Variants in USP48 observed in about 807,000 individuals in gnomAD.
USP48 encodes ubiquitin carboxyl-terminal hydrolase 48.
Under a neutral mutation model 150.7 loss-of-function variants are expected in USP48, and 43 were observed. The observed-to-expected ratio is 0.29, with a 90% CI of 0.22 to 0.37. USP48 has a LOEUF of 0.37. USP48 is among the 10% of genes least tolerant of loss of function. The pLI, the probability that USP48 is intolerant of heterozygous loss-of-function variation, is 1.00. For missense variants in USP48, 813 were observed against 1,249.6 expected, an observed-to-expected ratio of 0.65 and a Z score of 5.27; for synonymous variants, 396 against 425.9, an observed-to-expected ratio of 0.93 and a Z score of 0.86.
intron 11 of USP48, chr1:21,728,256 A>G (rs2097745213): frequency 9.4e-7 from 1 of 1,063,234 alleles, no homozygotes; most frequent in Non-Finnish European, 1.1e-6. Context: ...ATAGTAATCC[A>G]ATCGGATTTT....
intron 23 of USP48, among the ~76,000 whole-genome samples, chr1:21,692,294 T>A (rs1389002941): frequency 2.0e-5 from 3 of 152,134 alleles, no homozygotes; most frequent in African/African-American, 7.2e-5. Flanking sequence ...AGGACAGTTC[T>A]ATCCAAGCCA....
chr1:21,719,939 T>C (rs2097715528), intron 14 of USP48, among the ~76,000 whole-genome samples: 1 of 152,012 alleles, frequency 6.6e-6, no homozygotes, highest in Non-Finnish European at 1.5e-5. Context: ...ATGATACAAA[T>C]GATATGAAAT....
intron 20 of USP48, 101 bp downstream of exon 20, chr1:21,704,161 G>A (rs770632818): frequency 1.0e-5 from 14 of 1,381,924 alleles, no homozygotes; most frequent in South Asian, 2.9e-5. Context: ...AGTTGGGACC[G>A]CCGCATGATC....
intron 11 of USP48, chr1:21,728,001 C>T: frequency 1.0e-6 from 1 of 985,392 alleles, no homozygotes; most frequent in Non-Finnish European, 1.2e-6. Flanking sequence ...AATTTGGTTT[C>T]ATTTTGAGAC....
At chr1:21,704,146 T>C (rs746651431) in intron 20 of USP48, 116 bp downstream of exon 20, 20 of 1,177,876 alleles carry the variant, frequency 1.7e-5, no homozygotes, top group Non-Finnish European at 2.1e-5. Context: ...AGTTTCCACC[T>C]AGGGAGTTGG....
intron 1 of USP48, among the ~76,000 whole-genome samples, chr1:21,772,083 C>A (rs2097882447): frequency 6.6e-6 from 1 of 152,018 alleles, no homozygotes; most frequent in South Asian, 2.1e-4. Flanking sequence ...ATTGATGGAT[C>A]CCTACCTCAA....
At chr1:21,732,481 A>G (rs1276952537) in intron 9 of USP48, among the ~76,000 whole-genome samples, 7 of 152,224 alleles carry the variant, frequency 4.6e-5, no homozygotes. Context: ...GGTCTCATCT[A>G]TCACATTGAG....
rs145700372 is a variant in USP48, at chr1:21,685,034, C to A, written c.3058+2157G>T. On this transcript the variant is annotated intron_variant, in intron 25 of 26. Coordinates refer to ENST00000308271, the MANE Select transcript of USP48 (RefSeq NM_032236.8). ...TGGCTATTCAGGGTCTTTTGTGGTT[C>A]CATATGAATTTTAGGATTGTGTTTT... Among the ~76,000 whole-genome samples the A allele has an allele frequency of 7.7e-4, 117 of 152,094 alleles. 1 individual carries two copies. Among genetic ancestry groups the A allele is most frequent in the African/African-American group, 2.8e-3 (115 of 41,496 alleles).
At chr1:21,777,954 C>T (rs141896212) in intron 1 of USP48, among the ~76,000 whole-genome samples, 2,428 of 143,118 alleles carry the variant, frequency 0.017, 64 homozygotes, top group African/African-American at 0.059. Flanking sequence ...AGTGAAACCC[C>T]GTCTCTACTA....
intron 25 of USP48, among the ~76,000 whole-genome samples, chr1:21,682,883 A>G (rs2097570320): frequency 6.6e-6 from 1 of 152,062 alleles, no homozygotes. Flanking sequence ...AGAAAAAAAA[A>G]AAAAAAGATG....
intron 15 of USP48, among the ~76,000 whole-genome samples, chr1:21,712,597 C>T (rs1016589615): frequency 1.3e-5 from 2 of 150,414 alleles, no homozygotes; most frequent in Middle Eastern, 3.5e-3. Context: ...TGGCAGATAA[C>T]GTAACACAAA....
chr1:21,724,406 G>C, intron 11 of USP48: 1 of 540,164 alleles, frequency 1.9e-6, no homozygotes. Flanking sequence ...GCAGAGCTTT[G>C]ATCAGGACAC....
At chr1:21,741,593 TAAAC>T (rs2097781802) in intron 8 of USP48, among the ~76,000 whole-genome samples, 1 of 152,204 alleles carries the variant, frequency 6.6e-6, no homozygotes, top group African/African-American at 2.4e-5. Flanking sequence ...CAAAGAATGA[TAAAC>T]AAAGGAGGTG....
intron 15 of USP48, among the ~76,000 whole-genome samples, chr1:21,707,992 C>T (rs1002354747): frequency 1.1e-4 from 16 of 149,932 alleles, no homozygotes; most frequent in Non-Finnish European, 4.5e-5. Flanking sequence ...TGAAACCCTG[C>T]GTCTACTAAA....
At chr1:21,683,072 C>T (rs764116434) in intron 25 of USP48, among the ~76,000 whole-genome samples, 14 of 151,970 alleles carry the variant, frequency 9.2e-5, no homozygotes, top group Admixed American at 4.6e-4. Flanking sequence ...ACCAGCCTGG[C>T]GAATATAGTG....
At chr1:21,733,948 G>C (rs1220691148) in intron 9 of USP48, among the ~76,000 whole-genome samples, 4 of 152,010 alleles carry the variant, frequency 2.6e-5, no homozygotes, top group Admixed American at 2.6e-4. Context: ...AAGCCACCTC[G>C]CTCAACCCAG....
intron 1 of USP48, among the ~76,000 whole-genome samples, chr1:21,762,649 C>G (rs1029512406): frequency 6.6e-6 from 1 of 151,988 alleles, no homozygotes; most frequent in African/African-American, 2.4e-5. Flanking sequence ...GGGTGGATCA[C>G]GAGGTCAGGG....
At chr1:21,774,467 T>C (rs1016696903) in intron 1 of USP48, among the ~76,000 whole-genome samples, 32 of 152,108 alleles carry the variant, frequency 2.1e-4, no homozygotes, top group Admixed American at 1.6e-3. Flanking sequence ...GGTGGGCAGA[T>C]CGCGAGGTCA....
chr1:21,728,504 C>T, intron 11 of USP48, 66 bp downstream of exon 11: 1 of 1,554,460 alleles, frequency 6.4e-7, no homozygotes, highest in South Asian at 1.2e-5. Flanking sequence ...TCTTCATATA[C>T]ATTTGTGAAC....
Sources: gnomAD v4.1 joint callset for allele counts (sites outside exome capture counted in the v4.1 genomes callset) on GRCh38, gnomAD v4.1.1 for gene constraint, MANE v1.5 for transcripts, NCBI Gene and HGNC (gene_info 2026-07-23, HGNC 2026-07-21) for gene names.